SOX13: variants seen among roughly 807,000 people sequenced by gnomAD.
SOX13 encodes the protein SRY-box transcription factor 13.
SOX13 carries 28 observed loss-of-function variants against 71.8 expected under a neutral mutation model. The observed-to-expected ratio is 0.39, with a 90% CI of 0.29 to 0.53. The LOEUF is 0.53. Among genes scored for constraint, SOX13 ranks in the 20% least tolerant of loss-of-function variants. The probability of loss-of-function intolerance (pLI) is 0.70; values close to 1 mark genes in which losing one functional copy is unlikely to be tolerated. For synonymous variants in SOX13, 309 were observed against 317.8 expected (o/e 0.97, Z 0.29); for missense variants, 627 against 810.3 (o/e 0.77, Z 2.75).
In SOX13 at chr1:204,114,426, A is replaced by C. The variant is rs752610758; in HGVS notation, c.325A>C (p.Lys109Gln). Residue 109 changes from lysine (K) to glutamine (Q), a missense_variant, in exon 3 of 14, where the codon AAA (lysine) becomes CAA (glutamine). Physicochemically the swap from Lys to Gln is moderately conservative, Grantham distance 53. Around this residue, in one of 3 missense-constraint regions of SOX13, gnomAD observed 447 missense variants for 532.2 expected, o/e 0.84. Transcript: ENST00000367204. ...QEKLDFNRNLKEVVPAIEKLL... is the reference protein window; with the variant it reads ...QEKLDFNRNLQEVVPAIEKLL... ...GAAGCTGGACTTCAACCGAAATTTG[A>C]AAGAAGGTAGGATGTCTGCCCTAGT... The C allele has an allele frequency of 4.3e-6, 7 of 1,612,726 alleles. 1 individual carries two copies. The East Asian group carries it at 1.6e-4, about 36-fold the overall frequency.
intron 5 of SOX13, 45 bp downstream of exon 5, chr1:204,116,724 G>A (rs778644678): frequency 8.7e-6 from 14 of 1,606,114 alleles, no homozygotes; most frequent in Non-Finnish European, 1.2e-5. Context: ...AGGAAAAGGA[G>A]TGTGTCAGGA....
At chr1:204,087,138 G>T (rs1315702385) in intron 1 of SOX13, among the ~76,000 whole-genome samples, 1 of 152,142 alleles carries the variant, frequency 6.6e-6, no homozygotes, top group Non-Finnish European at 1.5e-5. Context: ...TAGCCAGGAT[G>T]GTCTCGATTT....
intron 4 of SOX13, chr1:204,116,136 G>C: frequency 8.2e-7 from 1 of 1,217,212 alleles, no homozygotes; most frequent in Non-Finnish European, 1.0e-6. Context: ...TTGCTTCAAA[G>C]CCTGAGTGTG....
At chr1:204,105,095 G>A (rs1180479822) in intron 1 of SOX13, among the ~76,000 whole-genome samples, 4 of 152,114 alleles carry the variant, frequency 2.6e-5, no homozygotes, top group Admixed American at 6.5e-5. Flanking sequence ...TCATATAAGC[G>A]CCATGCTTTG....
At chr1:204,103,428 C>T (rs1419918636) in intron 1 of SOX13, among the ~76,000 whole-genome samples, 2 of 152,216 alleles carry the variant, frequency 1.3e-5, no homozygotes, top group African/African-American at 4.8e-5. Context: ...AATGCTACTT[C>T]TGCTGGGCCC....
rs1412667913 is a variant in SOX13, at chr1:204,127,492, T to TG, written c.*1360dup. The TG allele has an allele frequency of 1.3e-5, 2 of 152,642 alleles. No individual in the cohort carries two copies. The highest frequency in any genetic ancestry group is 4.8e-5 in the African/African-American group (2 of 41,434). 9.5% of individuals were successfully genotyped at this position (152,642 alleles called of 1,614,324 possible). On this transcript the variant is annotated 3_prime_UTR_variant, in exon 14 of 14. Transcript: ENST00000367204. The stretch of plus-strand genomic sequence containing the variant: ...TAACTCTGAAGATCTAAATAGCCCT[T>TG]GGATCAGTATGGGAACCCCAAATCC...
intron 4 of SOX13, among the ~76,000 whole-genome samples, chr1:204,115,811 T>C (rs1169324948): frequency 6.6e-6 from 1 of 151,622 alleles, no homozygotes; most frequent in Non-Finnish European, 1.5e-5. Flanking sequence ...GGATTACAGG[T>C]ATGCGCCACC....
intron 1 of SOX13, 133 bp from the exon 2 acceptor site, chr1:204,112,782 C>A: frequency 1.6e-6 from 1 of 629,880 alleles, no homozygotes; most frequent in Non-Finnish European, 2.8e-6. Flanking sequence ...CTTGCCCTTT[C>A]TGTGAGTGTG....
chr1:204,104,314 C>T (rs894009046), intron 1 of SOX13, among the ~76,000 whole-genome samples: 16 of 152,222 alleles, frequency 1.1e-4, no homozygotes, highest in African/African-American at 3.1e-4. Context: ...TGATACCCCC[C>T]AGGGCTCACA....
rs772083854 is a variant in SOX13 at position 204,123,140 on chromosome 1, C to T, written c.1163C>T (p.Ala388Val). The change falls in exon 11 of 14, where the codon GCC becomes GTC. Residue 388 changes from alanine to valine, a missense_variant. This residue lies in a region of SOX13 where 447 missense variants were observed against 532.2 expected (regional missense o/e 0.84). Coordinates refer to ENST00000367204, the MANE Select transcript of SOX13 (RefSeq NM_005686.3). The surrounding 1 kb of genome is among the most constrained non-coding windows in gnomAD (Gnocchi z 5.0). ...CTCATCAGCCTGGACTCATCCCCAG[C>T]CAAGGAGCGGCTGGAGGACGGCTGT... The part of the protein sequence containing the change: ...KDLISLDSSP[A>V]KERLEDGCVH... The T allele has an allele frequency of 9.3e-6, 15 of 1,613,796 alleles. No individual in the cohort carries two copies. Among genetic ancestry groups the T allele is most frequent in the Non-Finnish European group, 1.3e-5 (15 of 1,179,772 alleles).
chr1:204,084,135 C>T (rs1250326764), intron 1 of SOX13, among the ~76,000 whole-genome samples: 1 of 152,122 alleles, frequency 6.6e-6, no homozygotes, highest in Non-Finnish European at 1.5e-5. Context: ...CAGGGGCTCC[C>T]AGAGCTCAGG....
At chr1:204,085,963 C>T (rs1389610629) in intron 1 of SOX13, among the ~76,000 whole-genome samples, 3 of 148,224 alleles carry the variant, frequency 2.0e-5, no homozygotes, top group East Asian at 2.0e-4. Context: ...AGCAAGACTC[C>T]GTCTCAAAAA....
At chr1:204,120,247 G>T (rs1656773895) in intron 7 of SOX13, among the ~76,000 whole-genome samples, 1 of 152,198 alleles carries the variant, frequency 6.6e-6, no homozygotes, top group Admixed American at 6.5e-5. Context: ...AAGGTTGAAG[G>T]TGGAGGACAG....
chr1:204,082,246 G>A (rs1351436487), intron 1 of SOX13, among the ~76,000 whole-genome samples: 1 of 151,632 alleles, frequency 6.6e-6, no homozygotes, highest in Non-Finnish European at 1.5e-5. Context: ...GGTGTGGTGT[G>A]TGTGTGTGTG....
chr1:204,079,114 C>T (rs1421092404), intron 1 of SOX13, among the ~76,000 whole-genome samples: 2 of 151,946 alleles, frequency 1.3e-5, no homozygotes, highest in East Asian at 2.0e-4. Flanking sequence ...CTGGCTAAGA[C>T]GGTGAAACCC....
At chr1:204,085,874 G>T (rs1205839191) in intron 1 of SOX13, among the ~76,000 whole-genome samples, 1 of 151,848 alleles carries the variant, frequency 6.6e-6, no homozygotes, top group Non-Finnish European at 1.5e-5. Context: ...CAGCTACTCG[G>T]GAGGCTGAGG....
intron 1 of SOX13, among the ~76,000 whole-genome samples, chr1:204,108,790 T>C (rs1656519668): frequency 6.6e-6 from 1 of 152,260 alleles, no homozygotes; most frequent in Non-Finnish European, 1.5e-5. Context: ...TCCAACACCC[T>C]ATTGTCTGGC....
At chr1:204,079,034 C>G (rs1009418609) in intron 1 of SOX13, among the ~76,000 whole-genome samples, 1 of 152,204 alleles carries the variant, frequency 6.6e-6, no homozygotes, top group Non-Finnish European at 1.5e-5. Context: ...CACGGTGGCT[C>G]ACGCCTGTAA....
chr1:204,108,093 G>A (rs1008009361), intron 1 of SOX13, among the ~76,000 whole-genome samples: 9 of 152,134 alleles, frequency 5.9e-5, no homozygotes, highest in African/African-American at 1.9e-4. Context: ...CTAGTGCAGC[G>A]CTGTCCAACA....
Sources: gnomAD v4.1 joint callset for allele counts (sites outside exome capture counted in the v4.1 genomes callset) on GRCh38, gnomAD v4.1.1 for gene constraint, gnomAD v4.1.1 regional missense constraint, Gnocchi (gnomAD v3.1) non-coding constraint, MANE v1.5 for transcripts, NCBI Gene and HGNC (gene_info 2026-07-23, HGNC 2026-07-21) for gene names.